Variants in MSR1 observed in about 807,000 individuals in gnomAD.
The protein encoded by MSR1 is macrophage scavenger receptor types I and II.
In MSR1, 53 loss-of-function variants were observed where a neutral mutation model predicts 47.2. That is an observed-to-expected ratio of 1.12 (90% CI 0.90 to 1.41). The LOEUF is 1.41. MSR1 is among the 40% of genes most tolerant of loss of function. The pLI is 0.00. For synonymous variants in MSR1, 239 were observed against 185.6 expected (o/e 1.29, Z -2.34); for missense variants, 786 against 546.9 (o/e 1.44, Z -4.36).
chr8:16,175,271 T>G lies in MSR1; in HGVS notation c.133A>C (p.Lys45Gln), dbSNP rs1210129916. 1.2e-6 allele frequency: 2 copies of G among 1,613,974 alleles called. No individual in the cohort carries two copies. Among genetic ancestry groups the G allele is most frequent in the Non-Finnish European group, 1.7e-6 (2 of 1,180,002 alleles). ...NPKNSPSLQE[K>Q]LKSFKAALIA... is the part of the protein sequence containing the mutation. ...AGTGCAGCTTTGAAGGACTTCAGTT[T>G]CTCTTGAAGGGAAGGGCTGTTTTTA... Residue 45 changes from lysine (K) to glutamine (Q), a missense_variant, in exon 3 of 10, where the codon AAA (lysine) becomes CAA (glutamine). Coordinates refer to ENST00000262101, the MANE Select transcript of MSR1 (RefSeq NM_138715.3).
At chr8:16,124,617 C>T (rs1000430545) in intron 8 of MSR1, among the ~76,000 whole-genome samples, 1 of 152,144 alleles carries the variant, frequency 6.6e-6, no homozygotes, top group African/African-American at 2.4e-5. Context: ...TCCCTTCCCA[C>T]TTCCCCTCTC....
At chr8:16,173,275 G>A (rs572950585) in intron 3 of MSR1, among the ~76,000 whole-genome samples, 3 of 152,194 alleles carry the variant, frequency 2.0e-5, no homozygotes, top group South Asian at 4.1e-4. Context: ...ATTATTTTCC[G>A]ACTCCTGTCT....
chr8:16,177,201 G>T (rs1311927602), intron 2 of MSR1, among the ~76,000 whole-genome samples: 1 of 152,142 alleles, frequency 6.6e-6, no homozygotes, highest in African/African-American at 2.4e-5. Context: ...ATAGGTACCA[G>T]TGAAAGTAAG....
At chr8:16,160,358 G>GCT (rs1180019626) in intron 5 of MSR1, among the ~76,000 whole-genome samples, 1 of 152,002 alleles carries the variant, frequency 6.6e-6, no homozygotes, top group African/African-American at 2.4e-5. Context: ...GAATGACACT[G>GCT]CTATTATAGA....
At position 16,168,849 on chromosome 8, in the gene MSR1, G is replaced by A. The variant is rs774483136; in HGVS notation, c.239C>T (p.Thr80Met). ...AGTTGAACTAACTGAGCAATTCTTC[G>A]TTTCCCACTTCAGGAGTTGAGCTGT... ...IVAAQLLKWETKNCSVSSTNA... is the reference protein window; with the variant it reads ...IVAAQLLKWEMKNCSVSSTNA... Residue 80 changes from threonine to methionine, a missense_variant, in exon 4 of 10, where the codon ACG becomes ATG. Coordinates refer to ENST00000262101, the MANE Select transcript of MSR1 (RefSeq NM_138715.3). The A allele has an allele frequency of 2.9e-5, 46 of 1,613,072 alleles. No individual in the cohort carries two copies. Among genetic ancestry groups the A allele is most frequent in the Admixed American group, 2.2e-4 (13 of 59,986 alleles).
chr8:16,125,149 T>C (rs1800101261), intron 8 of MSR1, among the ~76,000 whole-genome samples: 2 of 152,136 alleles, frequency 1.3e-5, no homozygotes, highest in African/African-American at 4.8e-5. Context: ...GTCAGCTCAG[T>C]GAGCAGATCT....
intron 8 of MSR1, among the ~76,000 whole-genome samples, chr8:16,128,207 CACAG>C (rs1800173872): frequency 6.6e-6 from 1 of 152,124 alleles, no homozygotes; most frequent in African/African-American, 2.4e-5. Flanking sequence ...AGATCCTGCC[CACAG>C]ACAGAGGATC....
At chr8:16,173,007 T>C (rs1255409079) in intron 3 of MSR1, among the ~76,000 whole-genome samples, 1 of 152,192 alleles carries the variant, frequency 6.6e-6, no homozygotes, top group Admixed American at 6.6e-5. Flanking sequence ...TAATTAAAGT[T>C]GTAAGTGGAT....
chr8:16,185,581 G>T (rs1414175979), intron 1 of MSR1, among the ~76,000 whole-genome samples: 2 of 151,966 alleles, frequency 1.3e-5, no homozygotes, highest in African/African-American at 4.8e-5. Flanking sequence ...TTTCTAGACC[G>T]CTCTCATCTA....
intron 5 of MSR1, among the ~76,000 whole-genome samples, chr8:16,157,671 C>A (rs555086777): frequency 6.6e-6 from 1 of 151,926 alleles, no homozygotes; most frequent in Admixed American, 6.6e-5. Context: ...AAATTATATA[C>A]CACTTTACTC....
At chr8:16,175,682 CTA>C (rs1801625788) in intron 2 of MSR1, among the ~76,000 whole-genome samples, 1 of 152,074 alleles carries the variant, frequency 6.6e-6, no homozygotes, top group Non-Finnish European at 1.5e-5. Flanking sequence ...TCTAAAGTAA[CTA>C]TGCAATTTTT....
intron 1 of MSR1, among the ~76,000 whole-genome samples, chr8:16,190,419 A>G (rs73665256): frequency 0.012 from 1,870 of 152,312 alleles, 30 homozygotes; most frequent in African/African-American, 0.043. Flanking sequence ...AGCTTATTTT[A>G]GAATCATTTA....
chr8:16,170,630 A>G (rs1462678792), intron 3 of MSR1, among the ~76,000 whole-genome samples: 1 of 152,188 alleles, frequency 6.6e-6, no homozygotes, highest in Non-Finnish European at 1.5e-5. Context: ...AATAAAAGTG[A>G]TATGGTGATA....
chr8:16,188,748 G>A (rs977413756), intron 1 of MSR1, among the ~76,000 whole-genome samples: 1 of 151,896 alleles, frequency 6.6e-6, no homozygotes, highest in Non-Finnish European at 1.5e-5. Context: ...ACTTATGAGT[G>A]AGAACATGCA....
rs190872429 is a variant in MSR1 at position 16,117,662 on chromosome 8, C to G, written c.1222+2756G>C. 1.9e-3 allele frequency among the ~76,000 whole-genome samples: 282 copies of G among 152,166 alleles called. 1 individual carries two copies. The highest frequency in any genetic ancestry group is 6.1e-3 in the African/African-American group (252 of 41,524). On this transcript the variant is annotated intron_variant, in intron 9 of 9. Transcript: ENST00000262101. Reference sequence around the variant, plus strand: ...AAAGCCTGCTTCCATTTCCAACATGCTATCTTAGTGAAGCAGGGTTTTCTA... The same window carrying G: ...AAAGCCTGCTTCCATTTCCAACATGGTATCTTAGTGAAGCAGGGTTTTCTA...
chr8:16,157,150 A>G (rs950751770), intron 5 of MSR1, among the ~76,000 whole-genome samples: 7 of 152,034 alleles, frequency 4.6e-5, no homozygotes, highest in African/African-American at 1.4e-4. Context: ...CATTCCAGGA[A>G]AAACTAGAAC....
chr8:16,160,054 G>A (rs979515399), intron 5 of MSR1, among the ~76,000 whole-genome samples: 1 of 151,272 alleles, frequency 6.6e-6, no homozygotes, highest in African/African-American at 2.5e-5. Flanking sequence ...CTAGTTAAGA[G>A]ACACACTGAA....
At chr8:16,131,002 G>C (rs1800243096) in intron 8 of MSR1, among the ~76,000 whole-genome samples, 1 of 152,044 alleles carries the variant, frequency 6.6e-6, no homozygotes, top group South Asian at 2.1e-4. Flanking sequence ...ACTCAGTAAT[G>C]GGATTGCTGG....
In MSR1 at chr8:16,140,974, G is replaced by C. The variant is rs1238497776; in HGVS notation, c.1033+2584C>G. The stretch of plus-strand genomic sequence containing the variant: ...AGGGCCTTTTAATGAGATGGTAGCA[G>C]AGGATGTCCCGCCCAACCCACCTGA... On this transcript the variant is annotated intron_variant, in intron 8 of 9. Transcript: ENST00000262101. 5.6e-6 allele frequency: 9 copies of C among 1,613,976 alleles called. No homozygotes were observed. The South Asian group carries it at 8.8e-5, about 16-fold the overall frequency.
Sources: allele counts gnomAD v4.1 joint callset (sites outside exome capture counted in the v4.1 genomes callset), GRCh38; gene constraint gnomAD v4.1.1; transcripts MANE v1.5; gene names NCBI Gene and HGNC (gene_info 2026-07-23, HGNC 2026-07-21).